KCNMA1: variants seen among roughly 807,000 people sequenced by gnomAD.
KCNMA1 encodes the protein potassium calcium-activated channel subfamily M alpha 1.
In KCNMA1, 29 loss-of-function variants were observed where a neutral mutation model predicts 140.0. The observed-to-expected ratio is 0.21, with a 90% CI of 0.15 to 0.28. KCNMA1 has a LOEUF of 0.28. KCNMA1 is among the 10% of genes least tolerant of loss of function. The probability of loss-of-function intolerance (pLI) is 1.00; values close to 1 mark genes in which losing one functional copy is unlikely to be tolerated. For missense variants in KCNMA1, 880 were observed against 1,602.2 expected (o/e 0.55, Z 7.70); for synonymous variants, 612 against 611.9 (o/e 1.00, Z 0.00).
chr10:77,359,383 C>T (rs1002826782), intron 2 of KCNMA1, among the ~76,000 whole-genome samples: 2 of 152,110 alleles, frequency 1.3e-5, no homozygotes, highest in Admixed American at 6.5e-5. Flanking sequence ...TGGCATCTGT[C>T]GGGCTCAGTG....
At chr10:76,872,667 C>T (rs770830086), downstream of KCNMA1, 2 of 152,152 alleles carry the variant, frequency 1.3e-5, no homozygotes, top group Non-Finnish European at 2.9e-5. Flanking sequence ...AGTCCCATCT[C>T]CCTGGAAAAC....
At chr10:77,015,191 G>A (rs2091765436) in intron 17 of KCNMA1, among the ~76,000 whole-genome samples, 1 of 152,092 alleles carries the variant, frequency 6.6e-6, no homozygotes, top group Admixed American at 6.5e-5. Context: ...TTGTCCTCTG[G>A]TTTCCTGGCC....
chr10:77,172,606 A>G (rs1399960888), intron 5 of KCNMA1, among the ~76,000 whole-genome samples: 1 of 152,026 alleles, frequency 6.6e-6, no homozygotes, highest in Non-Finnish European at 1.5e-5. Flanking sequence ...GACAGAACTT[A>G]ATAATGAGTT....
At chr10:77,193,413 T>A (rs2039286876) in intron 3 of KCNMA1, among the ~76,000 whole-genome samples, 1 of 152,220 alleles carries the variant, frequency 6.6e-6, no homozygotes, top group Admixed American at 6.5e-5. Flanking sequence ...TAAACTGTCT[T>A]AGGAATCATG....
At chr10:77,400,654 C>T (rs549001925) in intron 2 of KCNMA1, among the ~76,000 whole-genome samples, 1 of 152,346 alleles carries the variant, frequency 6.6e-6, no homozygotes, top group Admixed American at 6.5e-5. Flanking sequence ...ATTGCCCTTG[C>T]TATATCTTGA....
chr10:77,419,526 C>A (rs1032527962), intron 1 of KCNMA1, among the ~76,000 whole-genome samples: 1 of 152,062 alleles, frequency 6.6e-6, no homozygotes. Context: ...GAACTTGAGA[C>A]GTCAAAGGTG....
chr10:77,551,583 C>T (rs1246885627), intron 1 of KCNMA1, among the ~76,000 whole-genome samples: 2 of 152,198 alleles, frequency 1.3e-5, no homozygotes, highest in East Asian at 3.8e-4. Context: ...CCGTTTCCAA[C>T]TAAACTGGTC....
At chr10:77,264,869 A>G (rs1445228273) in intron 2 of KCNMA1, among the ~76,000 whole-genome samples, 2 of 152,120 alleles carry the variant, frequency 1.3e-5, no homozygotes, top group Non-Finnish European at 2.9e-5. Context: ...ACACCAGCCT[A>G]CAAGTCATTC....
Position 77,108,372 on chromosome 10 carries a change from C to T in KCNMA1, c.1223+109G>A. On this transcript the variant is annotated intron_variant, in intron 9 of 27. Transcript: ENST00000286628. This position sits in a 1 kb window ranked among gnomAD's most constrained non-coding sequence, Gnocchi z 4.6. ...CAATTTCGGGCACGTAGCGGGCAAA[C>T]ATTGCCTACATGCATGAAACAAAGA... 1 of 1,597,978 alleles carries T rather than the reference C, an allele frequency of 6.3e-7. No individual in the cohort carries two copies. The highest frequency in any genetic ancestry group is 8.5e-7 in the Non-Finnish European group (1 of 1,177,472).
chr10:77,483,580 G>A (rs2098427039), intron 1 of KCNMA1, among the ~76,000 whole-genome samples: 1 of 152,170 alleles, frequency 6.6e-6, no homozygotes, highest in African/African-American at 2.4e-5. Flanking sequence ...TGGGCCCTCA[G>A]TACTCTCATG....
chr10:77,166,095 A>G (rs2154089450), intron 5 of KCNMA1, among the ~76,000 whole-genome samples: 1 of 152,292 alleles, frequency 6.6e-6, no homozygotes, highest in African/African-American at 2.4e-5. Flanking sequence ...CTTTGTTCCC[A>G]GTGGAGCTGG....
intron 14 of KCNMA1, among the ~76,000 whole-genome samples, chr10:77,053,038 T>G (rs574590042): frequency 6.6e-5 from 10 of 152,168 alleles, no homozygotes; most frequent in Non-Finnish European, 1.5e-4. Flanking sequence ...TTCTAGAATG[T>G]TTTACCACTC....
chr10:77,278,702 A>G (rs1192982144), intron 2 of KCNMA1, among the ~76,000 whole-genome samples: 1 of 152,252 alleles, frequency 6.6e-6, no homozygotes, highest in Non-Finnish European at 1.5e-5. Context: ...TTGGTATGGT[A>G]AAAGTGAAGA....
intron 1 of KCNMA1, among the ~76,000 whole-genome samples, chr10:77,505,745 T>G (rs1032592053): frequency 6.6e-6 from 1 of 152,204 alleles, no homozygotes; most frequent in African/African-American, 2.4e-5. Flanking sequence ...AAGAGAAGTT[T>G]GGACTTTTTG....
chr10:77,480,610 G>A (rs887287311), intron 1 of KCNMA1, among the ~76,000 whole-genome samples: 2 of 152,152 alleles, frequency 1.3e-5, no homozygotes, highest in African/African-American at 4.8e-5. Flanking sequence ...CCCAGAAGGT[G>A]CTGCACATTT....
At chr10:77,103,526 G>C (rs979527569) in intron 9 of KCNMA1, among the ~76,000 whole-genome samples, 1 of 152,226 alleles carries the variant, frequency 6.6e-6, no homozygotes, top group Admixed American at 6.5e-5. Flanking sequence ...AGGCTCTGCA[G>C]GTGAGATCTG....
intron 2 of KCNMA1, among the ~76,000 whole-genome samples, chr10:77,329,004 C>A (rs2085290176): frequency 6.6e-6 from 1 of 151,942 alleles, no homozygotes; most frequent in Non-Finnish European, 1.5e-5. Flanking sequence ...CCATGCCCGG[C>A]TAATTTTTTG....
intron 5 of KCNMA1, among the ~76,000 whole-genome samples, chr10:77,142,714 A>G: frequency 6.6e-6 from 1 of 152,314 alleles, no homozygotes; most frequent in East Asian, 1.9e-4. Context: ...ACTCTCCAAC[A>G]CCTAAAGTTG....
At chr10:76,922,863 C>T (rs553063419) in intron 23 of KCNMA1, among the ~76,000 whole-genome samples, 3 of 152,248 alleles carry the variant, frequency 2.0e-5, no homozygotes, top group East Asian at 1.9e-4. Flanking sequence ...CCATTCTCTT[C>T]GCGGTGAAAT....
Sources: allele counts gnomAD v4.1 joint callset (sites outside exome capture counted in the v4.1 genomes callset), GRCh38; gene constraint gnomAD v4.1.1; non-coding constraint Gnocchi (gnomAD v3.1); transcripts MANE v1.5; gene names NCBI Gene and HGNC (gene_info 2026-07-23, HGNC 2026-07-21).